Variants in CNTNAP2 observed in about 807,000 individuals in gnomAD.
The protein encoded by CNTNAP2 is contactin associated protein 2.
In CNTNAP2, 98 loss-of-function variants were observed where a neutral mutation model predicts 155.2. The observed-to-expected ratio is 0.63, with a 90% confidence interval of 0.54 to 0.75. CNTNAP2 has a LOEUF of 0.75. CNTNAP2 is among the 30% of genes least tolerant of loss of function. CNTNAP2 has a pLI of 0.00. For missense variants in CNTNAP2, 1,727 were observed against 1,688.1 expected (o/e 1.02, Z -0.40); for synonymous variants, 651 against 631.2 (o/e 1.03, Z -0.47).
At chr7:147,591,990 G>A (rs1040225724) in intron 12 of CNTNAP2, among the ~76,000 whole-genome samples, 28 of 152,256 alleles carry the variant, frequency 1.8e-4, no homozygotes, top group African/African-American at 6.5e-4. Context: ...AAAAACATTA[G>A]CATACCATCA....
chr7:148,225,905 G>T (rs1795839376), intron 19 of CNTNAP2, among the ~76,000 whole-genome samples: 1 of 152,170 alleles, frequency 6.6e-6, no homozygotes, highest in South Asian at 2.1e-4. Context: ...GTGGAAAACT[G>T]CAATGGAATA....
chr7:146,898,333 C>T (rs1287998483), intron 3 of CNTNAP2, among the ~76,000 whole-genome samples: 4 of 151,856 alleles, frequency 2.6e-5, no homozygotes, highest in African/African-American at 7.3e-5. Flanking sequence ...TTAGTGAGCA[C>T]AAAAATATGG....
intron 21 of CNTNAP2, chr7:148,339,620 G>A (rs1015202836): frequency 4.6e-5 from 7 of 152,520 alleles, no homozygotes; most frequent in African/African-American, 1.7e-4. Context: ...CTGAACCGGG[G>A]CTGGCGGGAA....
chr7:148,413,286 G>A (rs1209081945), intron 23 of CNTNAP2, among the ~76,000 whole-genome samples: 1 of 149,598 alleles, frequency 6.7e-6, no homozygotes, highest in East Asian at 2.0e-4. Context: ...CAGCTACTCG[G>A]GAGGCTGAGA....
intron 21 of CNTNAP2, among the ~76,000 whole-genome samples, chr7:148,337,297 C>T (rs1798137334): frequency 6.6e-6 from 1 of 152,068 alleles, no homozygotes; most frequent in Non-Finnish European, 1.5e-5. Context: ...CCAAGCAGCT[C>T]CCTCTTATCC....
intron 1 of CNTNAP2, among the ~76,000 whole-genome samples, chr7:146,378,999 A>G (rs894101115): frequency 2.0e-5 from 3 of 152,242 alleles, no homozygotes; most frequent in African/African-American, 7.2e-5. Context: ...AGCAACAGAC[A>G]TGAGCCCTGC....
chr7:148,277,763 A>G (rs947484886), intron 21 of CNTNAP2, among the ~76,000 whole-genome samples: 1 of 151,592 alleles, frequency 6.6e-6, no homozygotes, highest in Non-Finnish European at 1.5e-5. Flanking sequence ...TCCTTTTCTC[A>G]TAGTCTTCTA....
chr7:148,083,327 T>C (rs1803652353), intron 15 of CNTNAP2, among the ~76,000 whole-genome samples: 1 of 152,136 alleles, frequency 6.6e-6, no homozygotes, highest in Admixed American at 6.5e-5. Flanking sequence ...AGAAATGACA[T>C]AAGGTTGCAG....
chr7:146,481,774 A>G (rs577276330), intron 1 of CNTNAP2, among the ~76,000 whole-genome samples: 14 of 152,310 alleles, frequency 9.2e-5, no homozygotes, highest in Non-Finnish European at 2.1e-4. Context: ...TATAACCAAG[A>G]TCCAGTGGGC....
chr7:147,022,041 T>A (rs540545064), intron 3 of CNTNAP2, among the ~76,000 whole-genome samples: 14 of 152,280 alleles, frequency 9.2e-5, no homozygotes, highest in Middle Eastern at 3.4e-3. Flanking sequence ...TATGAAATAT[T>A]CTATACTCTT....
chr7:146,892,801 T>C (rs1164640085), intron 3 of CNTNAP2, among the ~76,000 whole-genome samples: 1 of 152,166 alleles, frequency 6.6e-6, no homozygotes, highest in Non-Finnish European at 1.5e-5. Context: ...ACTATATCAG[T>C]TCTTTAATGA....
chr7:147,515,057 C>T (rs1052011529), intron 11 of CNTNAP2, among the ~76,000 whole-genome samples: 6 of 152,092 alleles, frequency 3.9e-5, no homozygotes, highest in African/African-American at 1.4e-4. Flanking sequence ...TTTGCTCACT[C>T]AGTTGCTCAC....
chr7:146,864,163 G>T (rs1476604911), intron 3 of CNTNAP2, among the ~76,000 whole-genome samples: 1 of 151,692 alleles, frequency 6.6e-6, no homozygotes, highest in Non-Finnish European at 1.5e-5. Flanking sequence ...AATTACAAAA[G>T]AATAAAATTA....
chr7:146,456,164 T>C (rs894084399), intron 1 of CNTNAP2, among the ~76,000 whole-genome samples: 7 of 152,214 alleles, frequency 4.6e-5, no homozygotes, highest in Non-Finnish European at 4.4e-5. Flanking sequence ...TCAGATTAAA[T>C]GTGAATTTTT....
chr7:146,407,125 C>T (rs1391458527), intron 1 of CNTNAP2, among the ~76,000 whole-genome samples: 1 of 152,116 alleles, frequency 6.6e-6, no homozygotes, highest in Non-Finnish European at 1.5e-5. Flanking sequence ...ACAGTAGACA[C>T]AGAATAAAAC....
intron 9 of CNTNAP2, among the ~76,000 whole-genome samples, chr7:147,320,486 A>G (rs13438189): frequency 0.26 from 39,153 of 152,018 alleles, 5,216 homozygotes; most frequent in Middle Eastern, 0.3. Context: ...TTTCCAATAC[A>G]TAGGACATTT....
At chr7:148,283,275 G>GAAAGA (rs1422303899) in intron 21 of CNTNAP2, among the ~76,000 whole-genome samples, 1 of 72,702 alleles carries the variant, frequency 1.4e-5, no homozygotes, top group Non-Finnish European at 2.7e-5. Context: ...AAGAAAGAAA[G>GAAAGA]AAAGAAAGAA....
At chr7:147,308,878 C>CT (rs1795076733) in intron 9 of CNTNAP2, among the ~76,000 whole-genome samples, 1 of 152,190 alleles carries the variant, frequency 6.6e-6, no homozygotes, top group South Asian at 2.1e-4. Flanking sequence ...ATCTACTCAT[C>CT]TAAAACCTGC....
At chr7:147,696,816 TG>T (rs1221660621) in intron 13 of CNTNAP2, among the ~76,000 whole-genome samples, 1 of 152,100 alleles carries the variant, frequency 6.6e-6, no homozygotes, top group Non-Finnish European at 1.5e-5. Flanking sequence ...CCCAACACCT[TG>T]AATATTTAAC....
Sources: allele counts gnomAD v4.1 joint callset (sites outside exome capture counted in the v4.1 genomes callset), GRCh38; gene constraint gnomAD v4.1.1; transcripts MANE v1.5; gene names NCBI Gene and HGNC (gene_info 2026-07-23, HGNC 2026-07-21).